The following RUNX2 variants were observed in gnomAD, a reference collection of about 807,000 sequenced individuals.
The protein encoded by RUNX2 is runt-related transcription factor 2.
Under a neutral mutation model 51.7 loss-of-function variants are expected in RUNX2, and 10 were observed. The observed-to-expected ratio is 0.19, with a 90% CI of 0.12 to 0.33. The LOEUF (loss-of-function observed/expected upper bound fraction) is 0.33. RUNX2 is among the 10% of genes least tolerant of loss of function. The probability of loss-of-function intolerance (pLI) is 1.00; values close to 1 mark genes in which losing one functional copy is unlikely to be tolerated. For synonymous variants in RUNX2, 276 were observed against 273.6 expected (o/e 1.01, Z -0.09); for missense variants, 562 against 691.3 (o/e 0.81, Z 2.10).
chr6:45,536,435 G>A (rs1802036997), intron 7 of RUNX2, among the ~76,000 whole-genome samples: 2 of 152,306 alleles, frequency 1.3e-5, no homozygotes, highest in Middle Eastern at 6.8e-3. Flanking sequence ...AACAGCACTT[G>A]GTAATCTGGT....
At chr6:45,363,037 T>C (rs554406343) in intron 2 of RUNX2, among the ~76,000 whole-genome samples, 1 of 152,240 alleles carries the variant, frequency 6.6e-6, no homozygotes, top group Non-Finnish European at 1.5e-5. Flanking sequence ...TTAATTTTTG[T>C]AGTCTTCTTC....
intron 2 of RUNX2, among the ~76,000 whole-genome samples, chr6:45,373,277 C>G (rs1381910632): frequency 6.6e-6 from 1 of 152,120 alleles, no homozygotes; most frequent in Non-Finnish European, 1.5e-5. Flanking sequence ...ATTTAACCTT[C>G]ACTACCCATT....
chr6:45,533,466 C>G lies in RUNX2; in HGVS notation c.1022-11751C>G, dbSNP rs181119334. 4.0e-3 allele frequency among the ~76,000 whole-genome samples: 611 copies of G among 152,268 alleles called. 2 individuals are homozygous for G. The highest frequency in any genetic ancestry group is 5.9e-3 in the Non-Finnish European group (402 of 68,024). Reference sequence around the variant, plus strand: ...CAATCAAAGGAAAATTCTACATATTCTAAAATATACAAACAGCTCTTTGAA... The same window carrying G: ...CAATCAAAGGAAAATTCTACATATTGTAAAATATACAAACAGCTCTTTGAA... On this transcript the variant is annotated intron_variant, in intron 7 of 8. Transcript: ENST00000647337.
chr6:45,371,787 A>G, intron 2 of RUNX2: 1 of 973,320 alleles, frequency 1.0e-6, no homozygotes, highest in Non-Finnish European at 1.2e-6. Flanking sequence ...ATAACAGACA[A>G]ACATATATGC....
chr6:45,537,197 G>A (rs1802064960), intron 7 of RUNX2, among the ~76,000 whole-genome samples: 1 of 152,128 alleles, frequency 6.6e-6, no homozygotes, highest in Non-Finnish European at 1.5e-5. Context: ...AGAATTCTGG[G>A]GCTGGGTCAA....
intron 6 of RUNX2, among the ~76,000 whole-genome samples, chr6:45,492,739 C>T (rs956743944): frequency 6.6e-6 from 1 of 152,218 alleles, no homozygotes; most frequent in Non-Finnish European, 1.5e-5. Flanking sequence ...ACTAATCATT[C>T]ACATTTGGTG....
At chr6:45,484,655 A>G (rs1370236105) in intron 5 of RUNX2, among the ~76,000 whole-genome samples, 2 of 152,156 alleles carry the variant, frequency 1.3e-5, no homozygotes, top group East Asian at 3.9e-4. Flanking sequence ...TCCTTGTGCT[A>G]TTGCTTTTGC....
intron 2 of RUNX2, among the ~76,000 whole-genome samples, chr6:45,335,530 A>G (rs888208166): frequency 4.6e-5 from 7 of 151,308 alleles, no homozygotes; most frequent in African/African-American, 1.7e-4. Context: ...TTTTTTAGAT[A>G]AAAGTAAATT....
intron 6 of RUNX2, among the ~76,000 whole-genome samples, chr6:45,509,396 A>G (rs1405274722): frequency 2.0e-5 from 3 of 152,328 alleles, no homozygotes; most frequent in African/African-American, 7.2e-5. Flanking sequence ...GACATGGCCT[A>G]GTTCATGTAA....
intron 4 of RUNX2, 64 bp downstream of exon 4, chr6:45,432,083 A>T (rs1798557944): frequency 6.8e-7 from 1 of 1,472,270 alleles, no homozygotes; most frequent in Admixed American, 1.8e-5. Flanking sequence ...GATGAAATGT[A>T]GACTAGTCTG....
intron 2 of RUNX2, among the ~76,000 whole-genome samples, chr6:45,404,745 T>C (rs1311285199): frequency 6.6e-6 from 1 of 152,062 alleles, no homozygotes; most frequent in Non-Finnish European, 1.5e-5. Context: ...AGAGGAAGAG[T>C]CTCAACATTG....
chr6:45,437,028 C>T (rs536487635), intron 4 of RUNX2, among the ~76,000 whole-genome samples: 9 of 152,268 alleles, frequency 5.9e-5, no homozygotes, highest in African/African-American at 1.4e-4. Context: ...CATGATTAAC[C>T]GTTGCAAATC....
chr6:45,422,794 C>G lies in RUNX2; in HGVS notation c.260C>G (p.Ala87Gly). 6.5e-7 allele frequency: 1 copy of G among 1,532,814 alleles called. No individual in the cohort carries two copies. Among genetic ancestry groups the G allele is most frequent in the Non-Finnish European group, 8.7e-7 (1 of 1,145,678 alleles). 95.0% of individuals were successfully genotyped at this position (1,532,814 alleles called of 1,614,324 possible). The change falls in exon 3 of 9, where the codon GCA (alanine) becomes GGA (glycine). Residue 87 changes from alanine to glycine, a missense_variant. Physicochemically the swap from Ala to Gly is moderately conservative, Grantham distance 60 (BLOSUM62 0). Transcript: ENST00000647337. ...AAAAAAAAAA[A>G]AAVPRLRPPH... ...GCGGCGGCGGCGGCTGCGGCGGCGG[C>G]AGCTGCAGTGCCCCGGTTGCGGCCG...
intron 7 of RUNX2, among the ~76,000 whole-genome samples, chr6:45,515,823 T>C (rs1801302274): frequency 1.3e-5 from 2 of 152,130 alleles, no homozygotes; most frequent in East Asian, 1.9e-4. Flanking sequence ...TGTCAGACAA[T>C]AGAAAGTGCT....
chr6:45,417,550 C>T (rs1244727162), intron 2 of RUNX2, among the ~76,000 whole-genome samples: 2 of 152,198 alleles, frequency 1.3e-5, no homozygotes, highest in Non-Finnish European at 2.9e-5. Flanking sequence ...CACACCCATT[C>T]CAGTATCTTT....
chr6:45,497,044 G>A (rs1247493484), intron 6 of RUNX2, among the ~76,000 whole-genome samples: 1 of 152,116 alleles, frequency 6.6e-6, no homozygotes, highest in Non-Finnish European at 1.5e-5. Flanking sequence ...GTGGGGCTGG[G>A]GAGCTCAGAG....
At chr6:45,527,286 A>G (rs1248152252) in intron 7 of RUNX2, among the ~76,000 whole-genome samples, 10 of 152,338 alleles carry the variant, frequency 6.6e-5, no homozygotes, top group Non-Finnish European at 1.3e-4. Context: ...TCAGAGGTTT[A>G]GATTTGCTGT....
At chr6:45,446,408 G>A (rs1439428611) in intron 5 of RUNX2, among the ~76,000 whole-genome samples, 1 of 152,070 alleles carries the variant, frequency 6.6e-6, no homozygotes, top group Non-Finnish European at 1.5e-5. Flanking sequence ...GTATCTTAGT[G>A]TAAGTCAGAG....
intron 5 of RUNX2, among the ~76,000 whole-genome samples, chr6:45,443,289 G>T (rs1412001300): frequency 6.6e-6 from 1 of 152,052 alleles, no homozygotes; most frequent in Non-Finnish European, 1.5e-5. Flanking sequence ...GGCCTCAAGT[G>T]ATCCTCCTGC....
Sources: gnomAD v4.1 joint callset for allele counts (sites outside exome capture counted in the v4.1 genomes callset) on GRCh38, gnomAD v4.1.1 for gene constraint, MANE v1.5 for transcripts, NCBI Gene and HGNC (gene_info 2026-07-23, HGNC 2026-07-21) for gene names.